Variants in PRKN observed in about 807,000 individuals in gnomAD.
The protein encoded by PRKN is parkin RBR E3 ubiquitin protein ligase.
PRKN carries 56 observed loss-of-function variants against 59.5 expected under a neutral mutation model. That is an observed-to-expected ratio of 0.94 (90% CI 0.76 to 1.18). The LOEUF is 1.18. Ranked by LOEUF, PRKN falls within the 50% of genes most tolerant of loss-of-function variation. PRKN has a pLI of 0.00. For synonymous variants in PRKN, 250 were observed against 222.1 expected, an observed-to-expected ratio of 1.13 and a Z score of -1.12; for missense variants, 657 against 596.4, an observed-to-expected ratio of 1.10 and a Z score of -1.06.
intron 2 of PRKN, among the ~76,000 whole-genome samples, chr6:162,418,773 C>G (rs1788791196): frequency 6.6e-6 from 1 of 151,688 alleles, no homozygotes; most frequent in Non-Finnish European, 1.5e-5. Context: ...TCCAAGCACA[C>G]CCAGGGCACT....
intron 6 of PRKN, among the ~76,000 whole-genome samples, chr6:161,864,144 A>G (rs1263235025): frequency 1.3e-5 from 2 of 152,134 alleles, no homozygotes; most frequent in Non-Finnish European, 2.9e-5. Context: ...CCTTTCATGA[A>G]AGATTTCTCT....
intron 2 of PRKN, among the ~76,000 whole-genome samples, chr6:162,420,451 T>C (rs775613617): frequency 3.3e-5 from 5 of 152,166 alleles, no homozygotes; most frequent in Admixed American, 6.5e-5. Context: ...TGAGCATGCA[T>C]AACAGTGCCC....
At position 161,395,910 on chromosome 6, in the gene PRKN, C is replaced by A. The variant is rs1048736282; in HGVS notation, c.1084-9033G>T. On this transcript the variant is annotated intron_variant, in intron 9 of 11. Coordinates refer to ENST00000366898, the MANE Select transcript of PRKN (RefSeq NM_004562.3). This position sits in a 1 kb window ranked among gnomAD's most constrained non-coding sequence, Gnocchi z 5.0. ...GGACTTGTAATGAATTTAAGCTCAGCGGCTTTAAACACAGACAGCCAACAA... is the reference window on the plus strand; with the variant it reads ...GGACTTGTAATGAATTTAAGCTCAGAGGCTTTAAACACAGACAGCCAACAA... 2.0e-5 allele frequency among the ~76,000 whole-genome samples: 3 copies of A among 152,146 alleles called. No individual in the cohort carries two copies. The highest frequency in any genetic ancestry group is 2.9e-5 in the Non-Finnish European group (2 of 68,016).
At chr6:162,379,967 A>G (rs1284492975) in intron 2 of PRKN, among the ~76,000 whole-genome samples, 1 of 152,162 alleles carries the variant, frequency 6.6e-6, no homozygotes, top group African/African-American at 2.4e-5. Flanking sequence ...GGAAGCTTTA[A>G]TGTAAACAGA....
chr6:162,366,398 G>T (rs1169162499), intron 2 of PRKN, among the ~76,000 whole-genome samples: 1 of 152,066 alleles, frequency 6.6e-6, no homozygotes, highest in Non-Finnish European at 1.5e-5. Context: ...GGCATAATAA[G>T]AACTATTATT....
rs1786228546 is a variant in PRKN, at chr6:161,386,129, G to A, written c.1167+665C>T. ...GCAAAGATTTGGTGTTTAAACCCTT[G>A]TTAACATCTACATTGGGAGAAAAAT... On this transcript the variant is annotated intron_variant, in intron 10 of 11. Coordinates refer to ENST00000366898, the MANE Select transcript of PRKN (RefSeq NM_004562.3). The surrounding 1 kb of genome is among the most constrained non-coding windows in gnomAD (Gnocchi z 4.3). Among the ~76,000 whole-genome samples, 1 of 152,194 alleles carries A rather than the reference G, an allele frequency of 6.6e-6. No individual in the cohort carries two copies. Among genetic ancestry groups the A allele is most frequent in the African/African-American group, 2.4e-5 (1 of 41,444 alleles).
At chr6:162,396,759 C>A (rs1000022038) in intron 2 of PRKN, among the ~76,000 whole-genome samples, 1 of 152,148 alleles carries the variant, frequency 6.6e-6, no homozygotes, top group African/African-American at 2.4e-5. Flanking sequence ...CACATGCACA[C>A]ACACACACAT....
Position 161,386,791 on chromosome 6 carries a change from T to C in PRKN, c.1167+3A>G, listed in dbSNP as rs755151346. On this transcript the variant is annotated splice_donor_region_variant and intron_variant, in intron 10 of 11. Transcript: ENST00000366898. The surrounding 1 kb of genome is among the most constrained non-coding windows in gnomAD (Gnocchi z 4.3). Reference sequence around the variant, plus strand: ...TTGGAGGAATGAGTAGGGCATTCTGTACCTGAGTAGTTGTTCCTGAGGCTT... The same window carrying C: ...TTGGAGGAATGAGTAGGGCATTCTGCACCTGAGTAGTTGTTCCTGAGGCTT... 4 of 1,607,212 alleles carry C rather than the reference T, an allele frequency of 2.5e-6. No homozygotes were observed. Among genetic ancestry groups the C allele is most frequent in the South Asian group, 1.1e-5 (1 of 90,944 alleles).
intron 10 of PRKN, among the ~76,000 whole-genome samples, chr6:161,382,879 C>T (rs1043267714): frequency 1.3e-5 from 2 of 152,180 alleles, no homozygotes; most frequent in African/African-American, 4.8e-5. Context: ...ATGGGCTCTC[C>T]TGGCTGGAGC....
At chr6:161,389,886 A>C (rs1786431546) in intron 9 of PRKN, among the ~76,000 whole-genome samples, 1 of 152,218 alleles carries the variant, frequency 6.6e-6, no homozygotes, top group African/African-American at 2.4e-5. Flanking sequence ...TTTTCCTGAC[A>C]CAAAGACATT....
chr6:161,465,622 T>C (rs1181855630), intron 9 of PRKN, among the ~76,000 whole-genome samples: 2 of 152,192 alleles, frequency 1.3e-5, no homozygotes, highest in South Asian at 2.1e-4. Context: ...TGAGGTTCCC[T>C]CTGGCAGCTC....
intron 4 of PRKN, among the ~76,000 whole-genome samples, chr6:162,097,461 C>T (rs1318596356): frequency 6.6e-6 from 1 of 152,126 alleles, no homozygotes; most frequent in African/African-American, 2.4e-5. Flanking sequence ...ACATACACAG[C>T]AAGTGGTGGA....
intron 7 of PRKN, among the ~76,000 whole-genome samples, chr6:161,714,281 C>G (rs1345331708): frequency 1.3e-5 from 2 of 152,120 alleles, no homozygotes; most frequent in Admixed American, 1.3e-4. Flanking sequence ...TGTGTCCCCT[C>G]CAAAAATCAG....
At chr6:162,224,770 G>T (rs1213138008) in intron 3 of PRKN, among the ~76,000 whole-genome samples, 1 of 152,092 alleles carries the variant, frequency 6.6e-6, no homozygotes, top group Non-Finnish European at 1.5e-5. Context: ...ATACGCCCTA[G>T]GGAGAAAATC....
At chr6:161,799,323 A>G (rs1363750019) in intron 6 of PRKN, among the ~76,000 whole-genome samples, 15 of 152,220 alleles carry the variant, frequency 9.9e-5, no homozygotes, top group Admixed American at 9.8e-4. Context: ...GGAATGAATG[A>G]CTATCAAGGA....
At chr6:161,632,031 C>G (rs1316843040) in intron 7 of PRKN, among the ~76,000 whole-genome samples, 2 of 152,218 alleles carry the variant, frequency 1.3e-5, no homozygotes, top group African/African-American at 4.8e-5. Context: ...AAATTGATAG[C>G]TTCAGCATTC....
At chr6:161,719,035 T>C (rs767031333) in intron 7 of PRKN, among the ~76,000 whole-genome samples, 5 of 152,146 alleles carry the variant, frequency 3.3e-5, no homozygotes, top group Non-Finnish European at 5.9e-5. Context: ...GACTTTCTTA[T>C]TTGCTCGCTG....
intron 9 of PRKN, among the ~76,000 whole-genome samples, chr6:161,438,215 A>ATTTTTT (rs34955373): frequency 2.7e-5 from 3 of 112,438 alleles, no homozygotes; most frequent in African/African-American, 3.6e-5. Flanking sequence ...AATTCTGTTA[A>ATTTTTT]TTTTTTTTTT....
Position 161,548,759 on chromosome 6 carries a change from G to C in PRKN, c.1083+95C>G. The C allele has an allele frequency of 8.4e-7, 1 of 1,197,248 alleles. No individual in the cohort carries two copies. Among genetic ancestry groups the C allele is most frequent in the Non-Finnish European group, 1.2e-6 (1 of 827,066 alleles). The allele number at this position is 1,197,248 out of a possible 1,614,324, so 74.2% of individuals were successfully genotyped here. On this transcript the variant is annotated intron_variant, in intron 9 of 11. Transcript: ENST00000366898. The surrounding 1 kb of genome is among the most constrained non-coding windows in gnomAD (Gnocchi z 4.2). ...GTTCAAAGATGTCTAAGTCCAAAGG[G>C]AAAATGAAAATAAAATAAAAATATA...
Sources: gnomAD v4.1 joint callset for allele counts (sites outside exome capture counted in the v4.1 genomes callset) on GRCh38, gnomAD v4.1.1 for gene constraint, Gnocchi (gnomAD v3.1) non-coding constraint, MANE v1.5 for transcripts, NCBI Gene and HGNC (gene_info 2026-07-23, HGNC 2026-07-21) for gene names.